The following PEX5L variants were observed in gnomAD, a reference collection of about 807,000 sequenced individuals.
The protein encoded by PEX5L is peroxisomal biogenesis factor 5 like, also known as PEX5-related protein.
PEX5L carries 30 observed loss-of-function variants against 84.0 expected under a neutral mutation model. That is an observed-to-expected ratio of 0.36 (90% CI 0.27 to 0.48). The LOEUF (loss-of-function observed/expected upper bound fraction) is 0.48. PEX5L is among the 20% of genes least tolerant of loss of function. PEX5L has a pLI of 0.99. For missense variants in PEX5L, 533 were observed against 754.6 expected (o/e 0.71, Z 3.44); for synonymous variants, 270 against 283.1 (o/e 0.95, Z 0.46).
chr3:180,028,937 C>T (rs539464950), intron 1 of PEX5L, among the ~76,000 whole-genome samples: 3 of 152,122 alleles, frequency 2.0e-5, no homozygotes, highest in African/African-American at 4.8e-5. Flanking sequence ...CTTTATAGAA[C>T]AATTTAATAT....
intron 8 of PEX5L, among the ~76,000 whole-genome samples, chr3:179,834,544 A>G (rs1734273856): frequency 6.6e-6 from 1 of 152,054 alleles, no homozygotes; most frequent in East Asian, 1.9e-4. Flanking sequence ...GGCCTTGGAG[A>G]CTGTGGCTAG....
At chr3:180,017,975 G>C (rs1424637342) in intron 1 of PEX5L, among the ~76,000 whole-genome samples, 3 of 152,160 alleles carry the variant, frequency 2.0e-5, no homozygotes, top group Non-Finnish European at 4.4e-5. Context: ...ATTCTGCTCT[G>C]TGTTTCTCAG....
intron 3 of PEX5L, among the ~76,000 whole-genome samples, chr3:179,897,018 C>A (rs1361799917): frequency 6.6e-6 from 1 of 151,980 alleles, no homozygotes; most frequent in East Asian, 1.9e-4. Flanking sequence ...TCTTGGGAAT[C>A]TTTAATAGCT....
intron 1 of PEX5L, among the ~76,000 whole-genome samples, chr3:179,986,332 C>G (rs1181970851): frequency 2.6e-5 from 4 of 151,106 alleles, no homozygotes; most frequent in African/African-American, 9.7e-5. Flanking sequence ...AGAATAATTC[C>G]TTGAGTTTGT....
chr3:179,797,241 A>AAC lies in PEX5L; in HGVS notation c.*4585_*4586dup, dbSNP rs1717317581. The AAC allele has an allele frequency of 6.6e-6, 1 of 152,180 alleles. No homozygotes were observed. The highest frequency in any genetic ancestry group is 1.5e-5 in the Non-Finnish European group (1 of 68,030). 9.4% of individuals were successfully genotyped at this position (152,180 alleles called of 1,614,324 possible). A position where few individuals can be genotyped will look rare whatever the true frequency, so the allele number is the denominator to read the frequency against. On this transcript the variant is annotated 3_prime_UTR_variant, in exon 15 of 15. Coordinates refer to ENST00000467460, the MANE Select transcript of PEX5L (RefSeq NM_016559.3). ...TTCAGAGGATTAGTTTGGCACTGGTAACACTGTAGAAACCAGATGTGTGAA... is the reference window on the plus strand; with the variant it reads ...TTCAGAGGATTAGTTTGGCACTGGTAACACACTGTAGAAACCAGATGTGTGAA...
At position 179,797,405 on chromosome 3, in the gene PEX5L, C is replaced by T. The variant is rs369984990; in HGVS notation, c.*4423G>A. 48 of 152,156 alleles carry T rather than the reference C, an allele frequency of 3.2e-4. No individual in the cohort carries two copies. The highest frequency in any genetic ancestry group is 1.1e-3 in the African/African-American group (46 of 41,524). 9.4% of individuals were successfully genotyped at this position (152,156 alleles called of 1,614,324 possible). On this transcript the variant is annotated 3_prime_UTR_variant, in exon 15 of 15. Coordinates refer to ENST00000467460, the MANE Select transcript of PEX5L (RefSeq NM_016559.3). The stretch of plus-strand genomic sequence containing the variant: ...AGGAACAACAGGCTAACCTATGAGA[C>T]TTAATCATGCACTGTGTAAATTTAA...
intron 8 of PEX5L, among the ~76,000 whole-genome samples, chr3:179,842,331 G>C (rs1288812583): frequency 6.6e-6 from 1 of 152,148 alleles, no homozygotes; most frequent in Non-Finnish European, 1.5e-5. Flanking sequence ...GACACAGCAG[G>C]ACTTCAGAAG....
intron 8 of PEX5L, among the ~76,000 whole-genome samples, chr3:179,856,768 C>A (rs1744137253): frequency 6.6e-6 from 1 of 152,180 alleles, no homozygotes; most frequent in Non-Finnish European, 1.5e-5. Context: ...GGAGGCTTCC[C>A]AGTACCAGGC....
chr3:179,841,991 T>C (rs1421343631), intron 8 of PEX5L, among the ~76,000 whole-genome samples: 1 of 152,246 alleles, frequency 6.6e-6, no homozygotes, highest in East Asian at 1.9e-4. Context: ...GCAGTCAGCA[T>C]ACTTTAGTGG....
intron 3 of PEX5L, among the ~76,000 whole-genome samples, chr3:179,890,189 C>T (rs1482371852): frequency 1.3e-5 from 2 of 152,174 alleles, no homozygotes; most frequent in African/African-American, 4.8e-5. Context: ...GTCCTACTTT[C>T]ACAAACAATG....
At chr3:179,934,807 T>G (rs1774141529) in intron 2 of PEX5L, among the ~76,000 whole-genome samples, 1 of 152,164 alleles carries the variant, frequency 6.6e-6, no homozygotes, top group Non-Finnish European at 1.5e-5. Context: ...TCAAAAATAT[T>G]GATTTCCTTA....
chr3:179,809,090 A>AAG (rs1722693033), intron 12 of PEX5L, among the ~76,000 whole-genome samples: 1 of 151,082 alleles, frequency 6.6e-6, no homozygotes, highest in African/African-American at 2.4e-5. Flanking sequence ...AAAAAAAAAA[A>AAG]AAAAAAAAAA....
At chr3:179,809,051 G>A (rs1722623058) in intron 12 of PEX5L, among the ~76,000 whole-genome samples, 1 of 113,666 alleles carries the variant, frequency 8.8e-6, no homozygotes, top group African/African-American at 3.5e-5. Flanking sequence ...TCCAGCCTGG[G>A]CGACAGAGTG....
intron 1 of PEX5L, among the ~76,000 whole-genome samples, chr3:180,005,153 A>G (rs560334901): frequency 6.7e-4 from 102 of 152,346 alleles, no homozygotes; most frequent in Non-Finnish European, 1.4e-3. Flanking sequence ...TATTAAAAAT[A>G]GCATACGGAA....
intron 1 of PEX5L, among the ~76,000 whole-genome samples, chr3:180,024,509 C>A (rs1350200281): frequency 6.8e-6 from 1 of 146,030 alleles, no homozygotes; most frequent in African/African-American, 2.6e-5. Context: ...CATGCCACTG[C>A]ACTCCAGCCT....
At chr3:180,033,507 T>C (rs1791638776) in intron 1 of PEX5L, among the ~76,000 whole-genome samples, 1 of 152,164 alleles carries the variant, frequency 6.6e-6, no homozygotes, top group Non-Finnish European at 1.5e-5. Flanking sequence ...ATAAAACAGC[T>C]AGGTTAAGAA....
intron 3 of PEX5L, among the ~76,000 whole-genome samples, chr3:179,897,778 T>C (rs977432453): frequency 1.3e-5 from 2 of 152,162 alleles, no homozygotes; most frequent in South Asian, 2.1e-4. Context: ...TTTTTATTCA[T>C]AGGAATTTGA....
chr3:179,868,650 C>G (rs1056774206), intron 7 of PEX5L, among the ~76,000 whole-genome samples: 2 of 152,154 alleles, frequency 1.3e-5, no homozygotes, highest in African/African-American at 2.4e-5. Flanking sequence ...GAAAGATTAA[C>G]TGAGAGTCTG....
intron 7 of PEX5L, among the ~76,000 whole-genome samples, chr3:179,861,132 C>T (rs1745981634): frequency 6.6e-6 from 1 of 152,236 alleles, no homozygotes; most frequent in Non-Finnish European, 1.5e-5. Flanking sequence ...GTTTCCTCCT[C>T]TTTGTTGGGA....
Sources: allele counts gnomAD v4.1 joint callset (sites outside exome capture counted in the v4.1 genomes callset), GRCh38; gene constraint gnomAD v4.1.1; transcripts MANE v1.5; gene names NCBI Gene and HGNC (gene_info 2026-07-23, HGNC 2026-07-21).